The following SGCZ variants were observed in gnomAD, a reference collection of about 807,000 sequenced individuals.
The protein encoded by SGCZ is sarcoglycan zeta, also known as zeta-sarcoglycan.
In SGCZ, 40 loss-of-function variants were observed where a neutral mutation model predicts 41.3. That is an observed-to-expected ratio of 0.97 (90% CI 0.75 to 1.26). The LOEUF (loss-of-function observed/expected upper bound fraction) is 1.26, where lower values mean the gene tolerates loss of function less well. Among genes scored for constraint, SGCZ ranks in the 50% most tolerant of loss-of-function variants. The pLI is 0.00. For synonymous variants in SGCZ, 206 were observed against 137.5 expected, an observed-to-expected ratio of 1.50 and a Z score of -3.49; for missense variants, 552 against 369.8, an observed-to-expected ratio of 1.49 and a Z score of -4.04.
At chr8:14,100,665 G>T (rs948272225) in intron 7 of SGCZ, among the ~76,000 whole-genome samples, 1 of 149,114 alleles carries the variant, frequency 6.7e-6, no homozygotes, top group Non-Finnish European at 1.5e-5. Flanking sequence ...GATCACTTAT[G>T]GTATAATATC....
intron 1 of SGCZ, among the ~76,000 whole-genome samples, chr8:14,602,790 C>T (rs1359765222): frequency 6.6e-6 from 1 of 152,000 alleles, no homozygotes; most frequent in Non-Finnish European, 1.5e-5. Flanking sequence ...GAGTAATAAC[C>T]TTAAACTATG....
intron 5 of SGCZ, among the ~76,000 whole-genome samples, chr8:14,149,700 A>G (rs1356494125): frequency 1.3e-5 from 2 of 152,062 alleles, no homozygotes; most frequent in African/African-American, 4.8e-5. Context: ...TGAAACCACA[A>G]GAAAATCCAG....
chr8:14,247,818 G>A (rs35154599), intron 3 of SGCZ, among the ~76,000 whole-genome samples: 37,962 of 152,066 alleles, frequency 0.25, 6,104 homozygotes, highest in Non-Finnish European at 0.36. Context: ...GTTCACTATG[G>A]GGACATGATT....
chr8:15,014,456 T>A (rs1802950759), intron 1 of SGCZ, among the ~76,000 whole-genome samples: 1 of 152,222 alleles, frequency 6.6e-6, no homozygotes, highest in Non-Finnish European at 1.5e-5. Context: ...TATTCATATC[T>A]TCCCTAAGCA....
chr8:14,261,226 C>A (rs1031864573), intron 3 of SGCZ, among the ~76,000 whole-genome samples: 1 of 152,160 alleles, frequency 6.6e-6, no homozygotes, highest in Non-Finnish European at 1.5e-5. Flanking sequence ...AATACAGAGA[C>A]ATCTGAGCTG....
At chr8:14,630,723 G>C (rs1806620331) in intron 1 of SGCZ, among the ~76,000 whole-genome samples, 1 of 151,998 alleles carries the variant, frequency 6.6e-6, no homozygotes. Context: ...CCTTTGTAGG[G>C]ACATGGATGA....
intron 3 of SGCZ, among the ~76,000 whole-genome samples, chr8:14,255,808 A>T (rs1184305648): frequency 6.6e-6 from 1 of 152,144 alleles, no homozygotes; most frequent in Non-Finnish European, 1.5e-5. Context: ...ATTTGGCATA[A>T]AAATGTTACT....
chr8:14,135,379 C>A lies in SGCZ; in HGVS notation c.548-27144G>T, dbSNP rs527347560. 8.9e-4 allele frequency among the ~76,000 whole-genome samples: 136 copies of A among 152,262 alleles called. 2 individuals are homozygous for A. Among genetic ancestry groups the A allele is most frequent in the Non-Finnish European group, 1.4e-3 (95 of 68,020 alleles). On this transcript the variant is annotated intron_variant, in intron 5 of 7. Coordinates refer to ENST00000382080, the MANE Select transcript of SGCZ (RefSeq NM_139167.4). ...AGGAAGAAAGCAGAAATATCATAGG[C>A]ATGCCTAACTTGTTTCTAAGGTGGG...
intron 3 of SGCZ, among the ~76,000 whole-genome samples, chr8:14,297,059 G>T (rs2410173): frequency 0.98 from 149,252 of 152,124 alleles, 73,290 homozygotes; most frequent in East Asian, 1. Context: ...GTAGTGAGGA[G>T]TACAGACGCA....
intron 1 of SGCZ, among the ~76,000 whole-genome samples, chr8:15,228,413 C>T (rs1801842594): frequency 6.6e-6 from 1 of 152,140 alleles, no homozygotes; most frequent in African/African-American, 2.4e-5. Flanking sequence ...ATGACTGAGG[C>T]ATCGACTTTA....
At chr8:14,159,999 C>T (rs567217595) in intron 5 of SGCZ, among the ~76,000 whole-genome samples, 6 of 152,094 alleles carry the variant, frequency 3.9e-5, no homozygotes, top group South Asian at 2.1e-4. Flanking sequence ...TCAATTAGAA[C>T]GGAGGCAAAG....
intron 1 of SGCZ, among the ~76,000 whole-genome samples, chr8:14,598,000 A>G (rs1473626687): frequency 2.0e-5 from 3 of 152,226 alleles, no homozygotes; most frequent in African/African-American, 4.8e-5. Context: ...ATGAACAAAA[A>G]TCTTTGAACC....
intron 1 of SGCZ, among the ~76,000 whole-genome samples, chr8:14,880,939 A>C (rs1357646495): frequency 6.6e-6 from 1 of 151,050 alleles, no homozygotes; most frequent in Admixed American, 6.6e-5. Flanking sequence ...ATGTACCCTA[A>C]AACTTAAAGT....
chr8:14,668,047 C>T (rs1301081602), intron 1 of SGCZ, among the ~76,000 whole-genome samples: 1 of 152,142 alleles, frequency 6.6e-6, no homozygotes, highest in South Asian at 2.1e-4. Context: ...ACCTCCGCCT[C>T]CCAGGTTCAA....
chr8:14,553,899 G>C (rs1020220173), intron 2 of SGCZ, among the ~76,000 whole-genome samples: 2 of 152,066 alleles, frequency 1.3e-5, no homozygotes, highest in African/African-American at 4.8e-5. Context: ...AGCAGTGAAA[G>C]ATACTTGCTT....
At chr8:14,127,837 G>C (rs58207613) in intron 5 of SGCZ, among the ~76,000 whole-genome samples, 1 of 152,048 alleles carries the variant, frequency 6.6e-6, no homozygotes, top group East Asian at 1.9e-4. Flanking sequence ...ATGTCACAGG[G>C]GATTTTTGTA....
At chr8:14,459,187 T>A (rs1293306702) in intron 2 of SGCZ, among the ~76,000 whole-genome samples, 2 of 151,942 alleles carry the variant, frequency 1.3e-5, no homozygotes, top group African/African-American at 4.8e-5. Context: ...AAACACCGCA[T>A]GTTTTCACTC....
chr8:15,197,225 T>C (rs1167586061), intron 1 of SGCZ, among the ~76,000 whole-genome samples: 1 of 152,182 alleles, frequency 6.6e-6, no homozygotes, highest in Non-Finnish European at 1.5e-5. Flanking sequence ...TTTATAACAA[T>C]GCTTTTACTG....
At chr8:14,834,514 T>G (rs1476050069) in intron 1 of SGCZ, among the ~76,000 whole-genome samples, 1 of 152,100 alleles carries the variant, frequency 6.6e-6, no homozygotes, top group African/African-American at 2.4e-5. Context: ...GTTCCCCACC[T>G]GAAAAGATGT....
Sources: gnomAD v4.1 joint callset for allele counts (sites outside exome capture counted in the v4.1 genomes callset) on GRCh38, gnomAD v4.1.1 for gene constraint, MANE v1.5 for transcripts, NCBI Gene and HGNC (gene_info 2026-07-23, HGNC 2026-07-21) for gene names.